HEMK2: variants seen among roughly 807,000 people sequenced by gnomAD.
The protein encoded by HEMK2 is HemK methyltransferase 2, ETF1 glutamine and histone H4 lysine.
the HEMK2 span, among the ~76,000 whole-genome samples, chr21:28,764,245 T>C: frequency 6.6e-6 from 1 of 152,060 alleles, no homozygotes; most frequent in African/African-American, 2.4e-5. Flanking sequence ...TATCCAAGTC[T>C]GGGAGTTGTG....
chr21:28,718,186 G>C, the HEMK2 span, among the ~76,000 whole-genome samples: 1 of 152,130 alleles, frequency 6.6e-6, no homozygotes, highest in Non-Finnish European at 1.5e-5. Flanking sequence ...TTACTCAAAA[G>C]TCATTCAGGA....
At chr21:28,826,763 T>C in the HEMK2 span, among the ~76,000 whole-genome samples, 5 of 152,200 alleles carry the variant, frequency 3.3e-5, no homozygotes, top group Admixed American at 6.5e-5. Context: ...TATGTAGAAA[T>C]AATCTTCTCA....
the HEMK2 span, among the ~76,000 whole-genome samples, chr21:28,835,338 G>A: frequency 6.6e-6 from 1 of 152,082 alleles, no homozygotes; most frequent in African/African-American, 2.4e-5. Context: ...AAAACCCCCA[G>A]TACCAGCCCA....
At chr21:28,821,296 G>A in the HEMK2 span, among the ~76,000 whole-genome samples, 3 of 152,070 alleles carry the variant, frequency 2.0e-5, no homozygotes, top group Non-Finnish European at 2.9e-5. Context: ...CTCCAGAATC[G>A]GCAACCTCAA....
chr21:28,605,772 T>C, the HEMK2 span, among the ~76,000 whole-genome samples: 1 of 152,200 alleles, frequency 6.6e-6, no homozygotes, highest in East Asian at 1.9e-4. Context: ...ATAGAAAGTG[T>C]TCATTTTAAG....
chr21:28,721,553 T>C, the HEMK2 span, among the ~76,000 whole-genome samples: 4 of 152,122 alleles, frequency 2.6e-5, no homozygotes, highest in Non-Finnish European at 5.9e-5. Context: ...ATGGACTGCA[T>C]TGTGTTTGTA....
the HEMK2 span, among the ~76,000 whole-genome samples, chr21:28,846,326 G>T: frequency 6.6e-6 from 1 of 152,156 alleles, no homozygotes; most frequent in Non-Finnish European, 1.5e-5. Flanking sequence ...TAATGGGATT[G>T]CTGGGTCAAC....
chr21:28,858,388 C>T, the HEMK2 span, among the ~76,000 whole-genome samples: 2 of 152,196 alleles, frequency 1.3e-5, no homozygotes, highest in Non-Finnish European at 2.9e-5. Context: ...GAAGCTTCTA[C>T]TTTCCATTGT....
At chr21:28,756,462 C>T in the HEMK2 span, among the ~76,000 whole-genome samples, 1 of 152,176 alleles carries the variant, frequency 6.6e-6, no homozygotes, top group Non-Finnish European at 1.5e-5. Context: ...AATCTCCATC[C>T]ATTCCAACCA....
the HEMK2 span, among the ~76,000 whole-genome samples, chr21:28,699,812 G>A: frequency 7.8e-3 from 1,183 of 152,292 alleles, 13 homozygotes; most frequent in African/African-American, 0.027. Flanking sequence ...GGTTCAGATA[G>A]GGTTTCGTCA....
the HEMK2 span, among the ~76,000 whole-genome samples, chr21:28,668,984 C>G: frequency 7.9e-5 from 12 of 152,156 alleles, no homozygotes; most frequent in African/African-American, 2.9e-4. Context: ...AGTCACTATT[C>G]AGAGCAGGTG....
the HEMK2 span, among the ~76,000 whole-genome samples, chr21:28,754,237 T>C: frequency 6.6e-6 from 1 of 152,154 alleles, no homozygotes; most frequent in Non-Finnish European, 1.5e-5. Context: ...AAGAAAAGAA[T>C]GGAAATTCAA....
the HEMK2 span, among the ~76,000 whole-genome samples, chr21:28,848,064 A>G: frequency 6.6e-6 from 1 of 152,168 alleles, no homozygotes; most frequent in South Asian, 2.1e-4. Context: ...TGATGCCTCC[A>G]GCTTTGTTCT....
chr21:28,709,970 G>T, the HEMK2 span, among the ~76,000 whole-genome samples: 21 of 152,108 alleles, frequency 1.4e-4, no homozygotes, highest in African/African-American at 4.3e-4. Context: ...CCATGATACT[G>T]CCCCAGACCT....
the HEMK2 span, among the ~76,000 whole-genome samples, chr21:28,760,735 T>C: frequency 6.6e-6 from 1 of 152,160 alleles, no homozygotes; most frequent in South Asian, 2.1e-4. Context: ...CCCCTTCATT[T>C]TTGACATGGG....
the HEMK2 span, among the ~76,000 whole-genome samples, chr21:28,841,552 T>C: frequency 7.0e-6 from 1 of 142,286 alleles, no homozygotes; most frequent in African/African-American, 2.6e-5. Context: ...TTATTCTAAG[T>C]GAAGTAACTC....
the HEMK2 span, among the ~76,000 whole-genome samples, chr21:28,805,831 T>C: frequency 6.6e-6 from 1 of 152,242 alleles, no homozygotes; most frequent in African/African-American, 2.4e-5. Context: ...AATGTATTTA[T>C]AGGTGCTACA....
At chr21:28,816,890 A>C in the HEMK2 span, among the ~76,000 whole-genome samples, 1 of 152,206 alleles carries the variant, frequency 6.6e-6, no homozygotes, top group Non-Finnish European at 1.5e-5. Flanking sequence ...AAAATAGAAG[A>C]CATGAGATGA....
chr21:28,867,705 C>G, the HEMK2 span, among the ~76,000 whole-genome samples: 3 of 152,136 alleles, frequency 2.0e-5, no homozygotes, highest in East Asian at 5.8e-4. Context: ...ATGGATGGGC[C>G]CAGATGGATC....
Sources: allele counts gnomAD v4.1 joint callset (sites outside exome capture counted in the v4.1 genomes callset), GRCh38; gene constraint gnomAD v4.1.1; transcripts MANE v1.5; gene names NCBI Gene and HGNC (gene_info 2026-07-23, HGNC 2026-07-21).